Variants in ZDHHC21 observed in about 807,000 individuals in gnomAD.
ZDHHC21 encodes palmitoyltransferase ZDHHC21.
ZDHHC21 carries 15 observed loss-of-function variants against 34.6 expected under a neutral mutation model. The ratio of observed to expected loss-of-function variants is 0.43; its 90% confidence interval spans 0.29 to 0.67. ZDHHC21 has a LOEUF of 0.67. Among genes scored for constraint, ZDHHC21 ranks in the 30% least tolerant of loss-of-function variants. The pLI is 0.14. For synonymous variants in ZDHHC21, 142 were observed against 101.8 expected, an observed-to-expected ratio of 1.40 and a Z score of -2.38; for missense variants, 344 against 327.7, an observed-to-expected ratio of 1.05 and a Z score of -0.38.
intron 7 of ZDHHC21, among the ~76,000 whole-genome samples, chr9:14,654,925 T>A (rs1831915694): frequency 6.6e-6 from 1 of 151,942 alleles, no homozygotes; most frequent in Non-Finnish European, 1.5e-5. Context: ...GAGAAAAAAT[T>A]GAGCAGAGGT....
chr9:14,665,183 G>T (rs1266637764), intron 5 of ZDHHC21, among the ~76,000 whole-genome samples: 2 of 130,116 alleles, frequency 1.5e-5, no homozygotes, highest in Non-Finnish European at 3.3e-5. Context: ...ACCAAGGCTC[G>T]AGAACTACGT....
At chr9:14,659,392 C>T (rs1231130265) in intron 6 of ZDHHC21, among the ~76,000 whole-genome samples, 3 of 152,136 alleles carry the variant, frequency 2.0e-5, no homozygotes, top group Non-Finnish European at 4.4e-5. Context: ...AAAATCTACC[C>T]CTGGTTGCTG....
rs1381118112 is a variant in ZDHHC21, at chr9:14,612,837, A to G, written c.*6129T>C. The G allele has an allele frequency of 8.7e-6, 1 of 114,896 alleles. No individual in the cohort carries two copies. The highest frequency in any genetic ancestry group is 2.4e-4 in the East Asian group (1 of 4,194). 7.1% of individuals were successfully genotyped at this position (114,896 alleles called of 1,614,324 possible). On this transcript the variant is annotated 3_prime_UTR_variant, in exon 10 of 10. Transcript: ENST00000380916. ...GGCAATATTATTCTTTAAAGCCACT[A>G]AAGATTACACACACACACACACACA...
intron 7 of ZDHHC21, among the ~76,000 whole-genome samples, chr9:14,646,922 C>G (rs9695276): frequency 0.96 from 145,636 of 152,162 alleles, 69,735 homozygotes; most frequent in Middle Eastern, 0.99. Flanking sequence ...CTTGTTCAAT[C>G]ATGAGTGCCT....
chr9:14,645,932 T>G (rs1257401219), intron 7 of ZDHHC21, among the ~76,000 whole-genome samples: 1 of 152,120 alleles, frequency 6.6e-6, no homozygotes, highest in Non-Finnish European at 1.5e-5. Flanking sequence ...TATGAGGCCA[T>G]CAGAATTCAT....
chr9:14,662,141 A>T, intron 6 of ZDHHC21, 74 bp downstream of exon 6: 1 of 1,040,594 alleles, frequency 9.6e-7, no homozygotes, highest in Non-Finnish European at 1.4e-6. Flanking sequence ...ACTGTTGTTT[A>T]AAGCTGCCAA....
intron 5 of ZDHHC21, among the ~76,000 whole-genome samples, chr9:14,663,755 G>C (rs574170661): frequency 6.6e-6 from 1 of 151,984 alleles, no homozygotes; most frequent in East Asian, 1.9e-4. Flanking sequence ...TCTTATACTT[G>C]AAATCTTATT....
At chr9:14,678,019 G>A (rs17216147) in intron 3 of ZDHHC21, among the ~76,000 whole-genome samples, 1 of 151,908 alleles carries the variant, frequency 6.6e-6, no homozygotes, top group East Asian at 1.9e-4. Context: ...TAGCCTAAGC[G>A]GTCCTGTTTA....
chr9:14,650,797 G>C (rs1809636294), intron 7 of ZDHHC21, among the ~76,000 whole-genome samples: 2 of 151,846 alleles, frequency 1.3e-5, no homozygotes, highest in South Asian at 2.1e-4. Flanking sequence ...GAGTTGGCTA[G>C]GCTGCTAAAC....
intron 7 of ZDHHC21, among the ~76,000 whole-genome samples, chr9:14,657,188 G>T (rs951493916): frequency 1.3e-5 from 2 of 151,958 alleles, no homozygotes. Context: ...CAATCTTCCA[G>T]TAATAAATGG....
intron 8 of ZDHHC21, among the ~76,000 whole-genome samples, chr9:14,637,090 T>C (rs1345213386): frequency 1.3e-5 from 2 of 151,364 alleles, no homozygotes; most frequent in South Asian, 2.1e-4. Flanking sequence ...CTAAAAAAAA[T>C]ATGCAAAGAA....
intron 8 of ZDHHC21, among the ~76,000 whole-genome samples, chr9:14,639,535 A>T (rs943309527): frequency 1.1e-4 from 16 of 152,052 alleles, no homozygotes; most frequent in Non-Finnish European, 1.6e-4. Flanking sequence ...AATGATAAAT[A>T]CTCAAGGTGA....
intron 7 of ZDHHC21, among the ~76,000 whole-genome samples, chr9:14,647,470 T>C (rs1830454550): frequency 6.6e-6 from 1 of 152,146 alleles, no homozygotes; most frequent in Admixed American, 6.6e-5. Flanking sequence ...CATAACATAA[T>C]TACAATTTCA....
At chr9:14,684,608 A>G (rs1375889120) in intron 2 of ZDHHC21, among the ~76,000 whole-genome samples, 18 of 151,868 alleles carry the variant, frequency 1.2e-4, no homozygotes, top group African/African-American at 2.7e-4. Context: ...AATCAATATC[A>G]TGAAAATGGC....
chr9:14,607,098 A>AT, downstream of ZDHHC21, among the ~76,000 whole-genome samples: 1 of 151,640 alleles, frequency 6.6e-6, no homozygotes, highest in African/African-American at 2.4e-5. Flanking sequence ...AAAAAAAAAA[A>AT]AATCTACATG....
intron 4 of ZDHHC21, among the ~76,000 whole-genome samples, chr9:14,673,343 G>C (rs142725666): frequency 6.3e-4 from 96 of 152,056 alleles, no homozygotes; most frequent in African/African-American, 2.3e-3. Flanking sequence ...ATATTACTCT[G>C]AATTAGTGAT....
At chr9:14,641,695 A>G (rs572106938) in intron 7 of ZDHHC21, among the ~76,000 whole-genome samples, 4 of 152,228 alleles carry the variant, frequency 2.6e-5, no homozygotes, top group African/African-American at 9.6e-5. Context: ...CCTCCCTTCC[A>G]TCACTTCACA....
intron 8 of ZDHHC21, among the ~76,000 whole-genome samples, chr9:14,631,112 T>C (rs1827267571): frequency 6.6e-6 from 1 of 152,234 alleles, no homozygotes; most frequent in African/African-American, 2.4e-5. Context: ...AAGTCCTACA[T>C]GGCATCTTCT....
chr9:14,606,210 T>C (rs913309363), downstream of ZDHHC21, among the ~76,000 whole-genome samples: 1 of 152,192 alleles, frequency 6.6e-6, no homozygotes, highest in Admixed American at 6.5e-5. Context: ...GAAGTGTGAC[T>C]CTGACACTCT....
Sources: allele counts gnomAD v4.1 joint callset (sites outside exome capture counted in the v4.1 genomes callset), GRCh38; gene constraint gnomAD v4.1.1; transcripts MANE v1.5; gene names NCBI Gene and HGNC (gene_info 2026-07-23, HGNC 2026-07-21).